The following PRSS57 variants were observed in gnomAD, a reference collection of about 807,000 sequenced individuals.
The protein encoded by PRSS57 is neutrophil serine protease 4.
A neutral mutation model predicts 20.6 loss-of-function variants in PRSS57; 19 were observed. That is an observed-to-expected ratio of 0.92 (90% confidence interval 0.64 to 1.35). PRSS57 has a LOEUF of 1.35. Among genes scored for constraint, PRSS57 ranks in the 40% most tolerant of loss-of-function variants. The probability of loss-of-function intolerance (pLI) is 0.00; values close to 1 mark genes in which losing one functional copy is unlikely to be tolerated. For missense variants in PRSS57, 440 were observed against 403.7 expected (o/e 1.09, Z -0.77); for synonymous variants, 203 against 176.6 (o/e 1.15, Z -1.19).
intron 3 of PRSS57, among the ~76,000 whole-genome samples, chr19:688,618 AGATG>A (rs2031544145): frequency 2.1e-5 from 1 of 48,484 alleles, no homozygotes; most frequent in African/African-American, 1.3e-4. Context: ...TTTTTTTTTC[AGATG>A]GAGTCTCACT....
intron 2 of PRSS57, among the ~76,000 whole-genome samples, chr19:692,419 C>T (rs1223133165): frequency 9.1e-6 from 1 of 109,522 alleles, no homozygotes; most frequent in Non-Finnish European, 2.0e-5. Context: ...ATATTCTTTT[C>T]CTTTTTTCTT....
chr19:689,742 A>T (rs1271223506), intron 3 of PRSS57, among the ~76,000 whole-genome samples: 1 of 152,036 alleles, frequency 6.6e-6, no homozygotes, highest in Non-Finnish European at 1.5e-5. Context: ...AACATGGTGA[A>T]ACCCCGTCTC....
chr19:690,957 TG>T, intron 3 of PRSS57: 1 of 477,790 alleles, frequency 2.1e-6, no homozygotes, highest in Non-Finnish European at 4.0e-6. Context: ...TCATGATGGC[TG>T]GTATCGGTGA....
chr19:685,835 G>T lies in PRSS57; in HGVS notation c.730C>A (p.Pro244Thr), dbSNP rs576906139. Residue 244 changes from proline (P) to threonine (T), a missense_variant, in exon 5 of 5, where the codon CCC becomes ACC. Pro to Thr is a conservative substitution (Grantham distance 38, BLOSUM62 -1). Coordinates refer to ENST00000329267, the MANE Select transcript of PRSS57 (RefSeq NM_001308209.2). Reference sequence around the variant, plus strand: ...GCGGACACCTGCGTGTACACGTCGGGGGTCTTGGGGTCGCCGCACCAGAGG... The same window carrying T: ...GCGGACACCTGCGTGTACACGTCGGTGGTCTTGGGGTCGCCGCACCAGAGG... ...SGLWCGDPKTPDVYTQVSAFV... is the reference protein window; with the variant it reads ...SGLWCGDPKTTDVYTQVSAFV... 6 of 1,562,336 alleles carry T rather than the reference G, an allele frequency of 3.8e-6. No homozygotes were observed. In the East Asian group the frequency reaches 1.2e-4, roughly 31 times the overall value.
chr19:694,561 C>CAAAAAAAAAAA (rs774941376), intron 2 of PRSS57, among the ~76,000 whole-genome samples: 1,396 of 130,326 alleles, frequency 0.011, 47 homozygotes, highest in African/African-American at 0.04. Flanking sequence ...GAGACTGCCT[C>CAAAAAAAAAAA]AAAAAAAAAA....
chr19:695,289 G>C (rs550944500), intron 1 of PRSS57, 63 bp downstream of exon 1: 105 of 810,286 alleles, frequency 1.3e-4, no homozygotes, highest in Non-Finnish European at 1.5e-4. Context: ...GGGGGTTCCC[G>C]GGTGTGGCCC....
intron 3 of PRSS57, among the ~76,000 whole-genome samples, chr19:688,602 C>T (rs1031341571): frequency 2.0e-4 from 22 of 110,182 alleles, no homozygotes; most frequent in East Asian, 8.2e-4. Flanking sequence ...CACCCAGGGA[C>T]TTTTTTTTTT....
intron 3 of PRSS57, among the ~76,000 whole-genome samples, chr19:689,444 C>T (rs1258594584): frequency 1.3e-5 from 2 of 151,782 alleles, no homozygotes; most frequent in East Asian, 3.9e-4. Context: ...GAGCTCGGAG[C>T]GGAGACTGTG....
Position 687,019 on chromosome 19 carries a change from T to C in PRSS57, c.548A>G (p.Asp183Gly). Residue 183 changes from aspartate (D) to glycine (G), a missense_variant, in exon 4 of 5, where the codon GAC becomes GGC. By Grantham distance (94) the Asp-to-Gly change is moderately conservative (BLOSUM62 -1). Coordinates refer to ENST00000329267, the MANE Select transcript of PRSS57 (RefSeq NM_001308209.2). ...GLMEAKVRVL[D>G]PDVCNSSWKG... ...CCAGGAGCTGTTGCAGACGTCCGGG[T>C]CCAGCACTCGGACCTTGGCCTCCAT... 1 of 1,613,928 alleles carries C rather than the reference T, an allele frequency of 6.2e-7. No individual in the cohort carries two copies. The highest frequency in any genetic ancestry group is 8.5e-7 in the Non-Finnish European group (1 of 1,179,992).
At chr19:690,092 C>CA (rs1252578776) in intron 3 of PRSS57, among the ~76,000 whole-genome samples, 1 of 148,794 alleles carries the variant, frequency 6.7e-6, no homozygotes, top group African/African-American at 2.5e-5. Flanking sequence ...GTGGGCGGAT[C>CA]ACGAGGTCAA....
chr19:686,852 C>G (rs917832844), intron 4 of PRSS57, 73 bp downstream of exon 4: 4 of 1,531,188 alleles, frequency 2.6e-6, no homozygotes, highest in Non-Finnish European at 3.5e-6. Context: ...CAAGGCCCTT[C>G]CTGGCCCTGA....
chr19:694,970 G>A lies in PRSS57; in HGVS notation c.80-3C>T. 2 of 1,531,584 alleles carry A rather than the reference G, an allele frequency of 1.3e-6. No individual in the cohort carries two copies. Among genetic ancestry groups the A allele is most frequent in the Non-Finnish European group, 1.8e-6 (2 of 1,139,102 alleles). The allele number at this position is 1,531,584 out of a possible 1,614,324, so 94.9% of individuals were successfully genotyped here. A position where few individuals can be genotyped will look rare whatever the true frequency, so the allele number is the denominator to read the frequency against. ...GATGATCTGGGCCCCCCAGGAGCCT[G>A]CTGGAGGGACGGCCTGAGTCAGGGA... On this transcript the variant is annotated splice_polypyrimidine_tract_variant and splice_region_variant and intron_variant, in intron 1 of 4. Transcript: ENST00000329267.
chr19:693,414 G>A (rs912971758), intron 2 of PRSS57, among the ~76,000 whole-genome samples: 7 of 151,940 alleles, frequency 4.6e-5, no homozygotes, highest in Non-Finnish European at 1.0e-4. Flanking sequence ...AGGAGGGGGT[G>A]GGTGAGATGG....
chr19:690,168 G>T (rs1179607310), intron 3 of PRSS57, among the ~76,000 whole-genome samples: 1 of 141,420 alleles, frequency 7.1e-6, no homozygotes, highest in African/African-American at 2.6e-5. Context: ...AAAATTAGCC[G>T]GGCGTGGTGG....
At chr19:688,947 A>G (rs2031552131) in intron 3 of PRSS57, among the ~76,000 whole-genome samples, 1 of 152,144 alleles carries the variant, frequency 6.6e-6, no homozygotes, top group Non-Finnish European at 1.5e-5. Flanking sequence ...GGGGCCCGAG[A>G]GGCACATTCA....
intron 3 of PRSS57, among the ~76,000 whole-genome samples, chr19:687,803 C>T (rs2031521218): frequency 3.9e-5 from 6 of 152,042 alleles, no homozygotes; most frequent in Admixed American, 3.9e-4. Flanking sequence ...CCAGCCAGGG[C>T]CTCTGAGGGC....
At chr19:695,288 C>T (rs994421310) in intron 1 of PRSS57, 64 bp downstream of exon 1, 23 of 807,944 alleles carry the variant, frequency 2.8e-5, no homozygotes, top group Admixed American at 8.5e-5. Context: ...TGGGGGTTCC[C>T]GGGTGTGGCC....
chr19:688,191 T>C (rs1450264339), intron 3 of PRSS57, among the ~76,000 whole-genome samples: 1 of 152,186 alleles, frequency 6.6e-6, no homozygotes, highest in Non-Finnish European at 1.5e-5. Flanking sequence ...GCGTCTTGGG[T>C]TCATTCCTGA....
Position 695,388 on chromosome 19 carries a change from CA to C in PRSS57, c.42del (p.Val15TrpfsTer5). The C allele has an allele frequency of 5.5e-6, 7 of 1,282,560 alleles. No homozygotes were observed. The highest frequency in any genetic ancestry group is 3.6e-5 in the Admixed American group (1 of 28,024). The allele number at this position is 1,282,560 out of a possible 1,614,324, so 79.4% of individuals were successfully genotyped here. ...ACGGGCAGCATCAGGGCGGTGGCCACAGTCAGCAGAGGACGTCCCCAGCCCC... is the reference window on the plus strand; with the variant it reads ...ACGGGCAGCATCAGGGCGGTGGCCACGTCAGCAGAGGACGTCCCCAGCCCC... ...GLRGWGRPLLTVATALMLPVK... is the reference protein window; with the variant it reads ...GLRGWGRPLLXVATALMLPVK... On this transcript the variant is annotated frameshift_variant, in exon 1 of 5. Transcript: ENST00000329267. LOFTEE classifies it high-confidence loss of function.
Sources: gnomAD v4.1 joint callset for allele counts (sites outside exome capture counted in the v4.1 genomes callset) on GRCh38, gnomAD v4.1.1 for gene constraint, MANE v1.5 for transcripts, NCBI Gene and HGNC (gene_info 2026-07-23, HGNC 2026-07-21) for gene names.